The following ULK3 variants were observed in gnomAD, a reference collection of about 807,000 sequenced individuals.
ULK3 encodes the protein serine/threonine-protein kinase ULK3.
In ULK3, 54 loss-of-function variants were observed where a neutral mutation model predicts 69.4. That is an observed-to-expected ratio of 0.78 (90% CI 0.63 to 0.98). ULK3 has a LOEUF of 0.98. Among genes scored for constraint, ULK3 ranks in the 50% least tolerant of loss-of-function variants. ULK3 has a pLI of 0.00. For synonymous variants in ULK3, 240 were observed against 254.5 expected, an observed-to-expected ratio of 0.94 and a Z score of 0.54; for missense variants, 558 against 627.7, an observed-to-expected ratio of 0.89 and a Z score of 1.19.
Position 74,836,947 on chromosome 15 carries a change from A to G in ULK3, c.*281T>C. The G allele has an allele frequency of 2.5e-6, 1 of 398,900 alleles. No homozygotes were observed. The allele number at this position is 398,900 out of a possible 1,614,324, so 24.7% of individuals were successfully genotyped here. ...TGCATGCCCCAAAACGGACAGGCACAGGACCCAGTAACCACCGAGTAACAA... is the reference window on the plus strand; with the variant it reads ...TGCATGCCCCAAAACGGACAGGCACGGGACCCAGTAACCACCGAGTAACAA... On this transcript the variant is annotated 3_prime_UTR_variant, in exon 16 of 16. Coordinates refer to ENST00000440863, the MANE Select transcript of ULK3 (RefSeq NM_001099436.4). This position sits in a 1 kb window ranked among gnomAD's most constrained non-coding sequence, Gnocchi z 4.0.
chr15:74,838,405 C>T lies in ULK3; in HGVS notation c.1167+35G>A, dbSNP rs2064110832. ...TGGCCTGGGTATCTCCCTGCCCTGCCCCGACCCACCTGGACCCCTCCCACT... is the reference window on the plus strand; with the variant it reads ...TGGCCTGGGTATCTCCCTGCCCTGCTCCGACCCACCTGGACCCCTCCCACT... On this transcript the variant is annotated intron_variant, in intron 11 of 15. Coordinates refer to ENST00000440863, the MANE Select transcript of ULK3 (RefSeq NM_001099436.4). 3 of 1,562,840 alleles carry T rather than the reference C, an allele frequency of 1.9e-6. No homozygotes were observed. The South Asian group carries it at 3.5e-5, about 18-fold the overall frequency.
rs762347020 is a variant in ULK3, at chr15:74,842,138, G to C, written c.301C>G (p.Arg101Gly). 4 of 1,613,884 alleles carry C rather than the reference G, an allele frequency of 2.5e-6. No individual in the cohort carries two copies. In the South Asian group the frequency reaches 3.3e-5, roughly 13 times the overall value. Residue 101 changes from arginine (R) to glycine (G), a missense_variant, in exon 3 of 16, where the codon CGC becomes GGC. By Grantham distance (125) the Arg-to-Gly change is moderately radical. Coordinates refer to ENST00000440863, the MANE Select transcript of ULK3 (RefSeq NM_001099436.4). This position sits in a 1 kb window ranked among gnomAD's most constrained non-coding sequence, Gnocchi z 4.9. ...MEFCAGGDLS[R>G]FIHTRRILPE... ...AGAATCCTGCGGGTATGGATGAAGC[G>C]AGACAGGTCGCCCCCTGCGCAAAAC...
intron 4 of ULK3, among the ~76,000 whole-genome samples, chr15:74,840,922 G>A (rs1356778422): frequency 6.6e-6 from 1 of 151,698 alleles, no homozygotes; most frequent in African/African-American, 2.4e-5. Flanking sequence ...GTCCCCCCAG[G>A]CTTAGGTTCT....
rs376141152 is a variant in ULK3, at chr15:74,839,071, T to G, written c.959-21A>C. On this transcript the variant is annotated intron_variant, in intron 8 of 15. Transcript: ENST00000440863. ...TTCATCTGCAGAAAGTGAGGTCATA[T>G]GAGGAGTCTGGGCGAACCCCTCCCT... 10 of 1,597,064 alleles carry G rather than the reference T, an allele frequency of 6.3e-6. No individual in the cohort carries two copies. The African/African-American group carries it at 1.1e-4, about 17-fold the overall frequency.
chr15:74,837,840 CG>C, intron 13 of ULK3, 42 bp from the exon 14 acceptor site: 2 of 1,478,686 alleles, frequency 1.4e-6, no homozygotes, highest in Non-Finnish European at 1.9e-6. Context: ...GGGAGAGTGG[CG>C]GGGGGTGGGG....
In ULK3 at chr15:74,842,800, C is replaced by T; in HGVS notation, c.102+204G>A. Reference sequence around the variant, plus strand: ...AACCTGTTTTGAGCCTGTTCTTCAGCCACTGACCCTGCAGGTGGGTGCAGG... The same window carrying T: ...AACCTGTTTTGAGCCTGTTCTTCAGTCACTGACCCTGCAGGTGGGTGCAGG... On this transcript the variant is annotated intron_variant, in intron 1 of 15. Coordinates refer to ENST00000440863, the MANE Select transcript of ULK3 (RefSeq NM_001099436.4). The surrounding 1 kb of genome is among the most constrained non-coding windows in gnomAD (Gnocchi z 4.9). 6.9e-7 allele frequency: 1 copy of T among 1,442,668 alleles called. No homozygotes were observed. Among genetic ancestry groups the T allele is most frequent in the Non-Finnish European group, 9.2e-7 (1 of 1,083,328 alleles). 89.4% of individuals were successfully genotyped at this position (1,442,668 alleles called of 1,614,324 possible).
In ULK3 at chr15:74,842,769, C is replaced by G. The variant is rs2064308553; in HGVS notation, c.102+235G>C. ...CCAGTCCCAGACTCCTCCCAGCCCA[C>G]CAGGTAACCTGTTTTGAGCCTGTTC... On this transcript the variant is annotated intron_variant, in intron 1 of 15. Transcript: ENST00000440863. This position sits in a 1 kb window ranked among gnomAD's most constrained non-coding sequence, Gnocchi z 4.9. 6.0e-6 allele frequency: 9 copies of G among 1,491,958 alleles called. No individual in the cohort carries two copies. The South Asian group carries it at 7.7e-5, about 13-fold the overall frequency. 92.4% of individuals were successfully genotyped at this position (1,491,958 alleles called of 1,614,324 possible). A position where few individuals can be genotyped will look rare whatever the true frequency, so the allele number is the denominator to read the frequency against.
chr15:74,839,368 G>A lies in ULK3; in HGVS notation c.858C>T (p.Ala286=), dbSNP rs1422314882. 6.4e-7 allele frequency: 1 copy of A among 1,559,576 alleles called. No homozygotes were observed. Among genetic ancestry groups the A allele is most frequent in the African/African-American group, 1.4e-5 (1 of 73,596 alleles). ...PSGESLGRAT[A]LVVQAVKKDQ... is the part of the protein sequence containing the mutation. ...CTTTCTTCACAGCCTGCACCACCAG[G>A]GCGGTCTGGGGATGGGCAGATCAGG... The change falls in exon 8 of 16, where the codon GCC becomes GCT. Residue 286 remains alanine, a synonymous_variant. Coordinates refer to ENST00000440863, the MANE Select transcript of ULK3 (RefSeq NM_001099436.4).
Position 74,842,612 on chromosome 15 carries a change from T to G in ULK3, c.103-192A>C. 1 of 1,543,982 alleles carries G rather than the reference T, an allele frequency of 6.5e-7. No homozygotes were observed. Among genetic ancestry groups the G allele is most frequent in the Non-Finnish European group, 8.7e-7 (1 of 1,151,808 alleles). The stretch of plus-strand genomic sequence containing the variant: ...GAATGCTGATTCTGGAATCCTGGCT[T>G]CCCGACACAGCCTCAGCCTGGTCTT... On this transcript the variant is annotated intron_variant, in intron 1 of 15. Coordinates refer to ENST00000440863, the MANE Select transcript of ULK3 (RefSeq NM_001099436.4). The surrounding 1 kb of genome is among the most constrained non-coding windows in gnomAD (Gnocchi z 4.9).
At chr15:74,839,939 G>A (rs2064184680) in intron 6 of ULK3, among the ~76,000 whole-genome samples, 2 of 152,284 alleles carry the variant, frequency 1.3e-5, no homozygotes, top group African/African-American at 4.8e-5. Context: ...CTAGAATCGT[G>A]TTTCTGGGTC....
At chr15:74,838,952 C>G in intron 9 of ULK3, 58 bp downstream of exon 9, 1 of 1,556,504 alleles carries the variant, frequency 6.4e-7, no homozygotes, top group Non-Finnish European at 8.7e-7. Flanking sequence ...CAGAGGCCCC[C>G]GAGATCTCCG....
Position 74,841,462 on chromosome 15 carries a change from G to A in ULK3, c.412C>T (p.Leu138=), listed in dbSNP as rs531223380. ...CTCAGTAGAATGTTCTGTGGCTTCA[G>A]ATCCAGGTGAGAGATATTCCGTTCA... ...LHERNISHLD[L]KPQNILLSSL... is the part of the protein sequence containing the mutation. Residue 138 remains leucine, a synonymous_variant, in exon 4 of 16, where the codon CTG becomes TTG. Coordinates refer to ENST00000440863, the MANE Select transcript of ULK3 (RefSeq NM_001099436.4). 9.9e-6 allele frequency: 16 copies of A among 1,613,930 alleles called. No individual in the cohort carries two copies. In the South Asian group the frequency reaches 1.6e-4, roughly 17 times the overall value.
chr15:74,837,359 C>A lies in ULK3; in HGVS notation c.1402+10G>T. ...CTTGGATGGAGGATCGACCCCAGGGCAGGACTCACAGCTACGAACAGATTC... is the reference window on the plus strand; with the variant it reads ...CTTGGATGGAGGATCGACCCCAGGGAAGGACTCACAGCTACGAACAGATTC... On this transcript the variant is annotated intron_variant, in intron 15 of 15. Coordinates refer to ENST00000440863, the MANE Select transcript of ULK3 (RefSeq NM_001099436.4). 2 of 1,613,034 alleles carry A rather than the reference C, an allele frequency of 1.2e-6. No individual in the cohort carries two copies. The highest frequency in any genetic ancestry group is 1.7e-6 in the Non-Finnish European group (2 of 1,179,534).
rs901086734 is a variant in ULK3 at position 74,840,811 on chromosome 15, G to A, written c.470-170C>T. ...AACACCCTCCTATATCTGCCTCTGG[G>A]GTATAAAACCTACCCATCCTTCCCA... On this transcript the variant is annotated intron_variant, in intron 4 of 15. Coordinates refer to ENST00000440863, the MANE Select transcript of ULK3 (RefSeq NM_001099436.4). 5.5e-6 allele frequency: 5 copies of A among 912,988 alleles called. No homozygotes were observed. The African/African-American group carries it at 8.5e-5, about 16-fold the overall frequency. The allele number at this position is 912,988 out of a possible 1,614,324, so 56.6% of individuals were successfully genotyped here.
rs1421685121 is a variant in ULK3, at chr15:74,838,977, C to G, written c.999+33G>C. On this transcript the variant is annotated intron_variant, in intron 9 of 15. Transcript: ENST00000440863. ...CGAGATCTCCGGGCCTTACCCCCTGCCCCCCCACTTCCTCATGGGGACTCT... is the reference window on the plus strand; with the variant it reads ...CGAGATCTCCGGGCCTTACCCCCTGGCCCCCCACTTCCTCATGGGGACTCT... 5 of 1,584,088 alleles carry G rather than the reference C, an allele frequency of 3.2e-6. No individual in the cohort carries two copies. The Admixed American group carries it at 9.0e-5, about 29-fold the overall frequency.
At chr15:74,837,957 T>C (rs1368587018) in intron 13 of ULK3, 159 bp from the exon 14 acceptor site, 2 of 1,202,938 alleles carry the variant, frequency 1.7e-6, no homozygotes, top group Non-Finnish European at 2.3e-6. Context: ...CCAGGAAGCC[T>C]TCCCAGACTT....
intron 13 of ULK3, 160 bp downstream of exon 13, chr15:74,837,992 C>T (rs2064086749): frequency 3.9e-6 from 5 of 1,292,730 alleles, no homozygotes; most frequent in East Asian, 5.1e-5. Flanking sequence ...CCCAGATCCC[C>T]CACTGCCCTG....
chr15:74,840,088 C>T, intron 6 of ULK3, 146 bp downstream of exon 6: 6 of 1,036,956 alleles, frequency 5.8e-6, no homozygotes, highest in Non-Finnish European at 8.4e-6. Flanking sequence ...CCTGGCACCT[C>T]GACTTCCAGC....
chr15:74,837,266 T>C, intron 15 of ULK3, 22 bp from the exon 16 acceptor site: 8 of 1,600,782 alleles, frequency 5.0e-6, no homozygotes, highest in South Asian at 1.1e-5. Flanking sequence ...AGGGGGACAA[T>C]GGGGGAGGGT....
Sources: allele counts gnomAD v4.1 joint callset (sites outside exome capture counted in the v4.1 genomes callset), GRCh38; gene constraint gnomAD v4.1.1; non-coding constraint Gnocchi (gnomAD v3.1); transcripts MANE v1.5; gene names NCBI Gene and HGNC (gene_info 2026-07-23, HGNC 2026-07-21).